GRHL2: variants seen among roughly 807,000 people sequenced by gnomAD.
GRHL2 encodes grainyhead like transcription factor 2, also known as grainyhead-like protein 2 homolog.
In GRHL2, 21 loss-of-function variants were observed where a neutral mutation model predicts 83.8. The ratio of observed to expected loss-of-function variants is 0.25; its 90% CI spans 0.18 to 0.36. The LOEUF (loss-of-function observed/expected upper bound fraction) is 0.36. Among genes scored for constraint, GRHL2 ranks in the 10% least tolerant of loss-of-function variants. GRHL2 has a pLI of 1.00. For synonymous variants in GRHL2, 280 were observed against 278.9 expected (o/e 1.00, Z -0.04); for missense variants, 623 against 781.8 (o/e 0.80, Z 2.42).
At chr8:101,573,020 C>G (rs1228176490) in intron 5 of GRHL2, among the ~76,000 whole-genome samples, 1 of 152,172 alleles carries the variant, frequency 6.6e-6, no homozygotes, top group Non-Finnish European at 1.5e-5. Context: ...CAAAAACAGG[C>G]AATGAGATGG....
At chr8:101,610,479 C>T (rs867412520) in intron 8 of GRHL2, among the ~76,000 whole-genome samples, 9 of 150,842 alleles carry the variant, frequency 6.0e-5, no homozygotes, top group Middle Eastern at 3.4e-3. Flanking sequence ...TTTGTTGATT[C>T]TGTCATGGGG....
chr8:101,517,070 G>T (rs1354285919), intron 1 of GRHL2, among the ~76,000 whole-genome samples: 1 of 152,016 alleles, frequency 6.6e-6, no homozygotes, highest in Non-Finnish European at 1.5e-5. Flanking sequence ...TGGAGTCCTG[G>T]GGCCTCTGCT....
At chr8:101,648,767 C>T (rs979842583) in intron 13 of GRHL2, among the ~76,000 whole-genome samples, 1 of 152,174 alleles carries the variant, frequency 6.6e-6, no homozygotes, top group Non-Finnish European at 1.5e-5. Flanking sequence ...CCTTTCTCCC[C>T]ACTGCCCCCA....
chr8:101,656,639 C>T (rs113697980), intron 14 of GRHL2, among the ~76,000 whole-genome samples: 4,161 of 152,190 alleles, frequency 0.027, 171 homozygotes, highest in African/African-American at 0.094. Context: ...GACAGCTGAG[C>T]TGGGCGAGTT....
chr8:101,645,003 A>G (rs1813481151), intron 13 of GRHL2, among the ~76,000 whole-genome samples: 1 of 151,738 alleles, frequency 6.6e-6, no homozygotes, highest in African/African-American at 2.4e-5. Context: ...ATGCACCACC[A>G]TGTCTGGCTA....
intron 4 of GRHL2, among the ~76,000 whole-genome samples, chr8:101,559,408 T>A (rs1811561037): frequency 6.8e-6 from 1 of 147,146 alleles, no homozygotes; most frequent in Non-Finnish European, 1.5e-5. Flanking sequence ...CAGGCACCTG[T>A]AATTCCAGAT....
chr8:101,673,755 T>C (rs563199504), downstream of GRHL2, among the ~76,000 whole-genome samples: 2 of 152,050 alleles, frequency 1.3e-5, no homozygotes, highest in East Asian at 3.9e-4. Flanking sequence ...AGAATATACA[T>C]TTTTTTCAGC....
intron 2 of GRHL2, among the ~76,000 whole-genome samples, chr8:101,548,815 G>T (rs1041449647): frequency 7.9e-5 from 12 of 152,314 alleles, no homozygotes; most frequent in African/African-American, 2.9e-4. Flanking sequence ...ACCTTAAACC[G>T]AGCACAGCTG....
intron 1 of GRHL2, among the ~76,000 whole-genome samples, chr8:101,541,668 C>G (rs187383932): frequency 8.5e-5 from 13 of 152,154 alleles, no homozygotes; most frequent in African/African-American, 3.1e-4. Flanking sequence ...ATGTTGGTTC[C>G]ATTTCAATGA....
intron 1 of GRHL2, among the ~76,000 whole-genome samples, chr8:101,529,795 G>C (rs1199830926): frequency 6.6e-6 from 1 of 152,066 alleles, no homozygotes; most frequent in Non-Finnish European, 1.5e-5. Flanking sequence ...CCCTGGCAGG[G>C]GGCCGCTCTC....
the GRHL2 span, among the ~76,000 whole-genome samples, chr8:101,678,436 C>A: frequency 0.3 from 45,054 of 151,886 alleles, 7,766 homozygotes; most frequent in East Asian, 0.42. Flanking sequence ...GGTCCTACGC[C>A]CACGGAGTCT....
chr8:101,669,109 C>T lies in GRHL2; in HGVS notation c.*2406C>T, dbSNP rs6989650. 36,773 of 151,982 alleles carry T rather than the reference C, an allele frequency of 0.24. 4,625 individuals are homozygous for T. The highest frequency in any genetic ancestry group is 0.29 in the South Asian group (1,390 of 4,808). The allele number at this position is 151,982 out of a possible 1,614,324, so 9.4% of individuals were successfully genotyped here. On this transcript the variant is annotated 3_prime_UTR_variant, in exon 16 of 16. Transcript: ENST00000646743. ...GTGTCCGCTGTGTATGTTAGCTGAACTTTGATGAGCAAAATTTCCTGAGCG... is the reference window on the plus strand; with the variant it reads ...GTGTCCGCTGTGTATGTTAGCTGAATTTTGATGAGCAAAATTTCCTGAGCG...
rs181292123 is a variant in GRHL2 at position 101,562,221 on chromosome 8, A to G, written c.678+3409A>G. Reference sequence around the variant, plus strand: ...TTCTTCAACTCTCTTCATTGAATCAATACTTTTATTCCATAGCTCTCACTG... The same window carrying G: ...TTCTTCAACTCTCTTCATTGAATCAGTACTTTTATTCCATAGCTCTCACTG... On this transcript the variant is annotated intron_variant, in intron 4 of 15. Coordinates refer to ENST00000646743, the MANE Select transcript of GRHL2 (RefSeq NM_024915.4). The G allele has an allele frequency of 8.1e-4, 496 of 609,500 alleles. 4 individuals carry two copies. Among genetic ancestry groups the G allele is most frequent in the African/African-American group, 8.1e-3 (444 of 54,974 alleles). 37.8% of individuals were successfully genotyped at this position (609,500 alleles called of 1,614,324 possible). A position where few individuals can be genotyped will look rare whatever the true frequency, so the allele number is the denominator to read the frequency against.
chr8:101,618,676 T>C (rs1036623954), intron 8 of GRHL2, among the ~76,000 whole-genome samples: 3 of 152,052 alleles, frequency 2.0e-5, no homozygotes, highest in Admixed American at 1.3e-4. Flanking sequence ...GATTCGCTCA[T>C]CTAATGTTTA....
chr8:101,635,037 T>C (rs533799476), intron 11 of GRHL2, among the ~76,000 whole-genome samples: 70 of 152,290 alleles, frequency 4.6e-4, no homozygotes, highest in African/African-American at 1.6e-3. Flanking sequence ...ATGTCTACTT[T>C]GCAGGCATTA....
At chr8:101,559,256 A>C (rs1811553618) in intron 4 of GRHL2, among the ~76,000 whole-genome samples, 1 of 150,916 alleles carries the variant, frequency 6.6e-6, no homozygotes, top group Non-Finnish European at 1.5e-5. Flanking sequence ...TCATGCCTGT[A>C]ATCCCAGCAC....
At position 101,632,385 on chromosome 8, in the gene GRHL2, G is replaced by T. The variant is rs770348363; in HGVS notation, c.1485+20G>T. 1.1e-5 allele frequency: 17 copies of T among 1,613,508 alleles called. No homozygotes were observed. On this transcript the variant is annotated intron_variant, in intron 11 of 15. Transcript: ENST00000646743. Reference sequence around the variant, plus strand: ...GGACAGGTATGACCTACCAGCTAACGCCCACCTCCCATCCATCCACAGGGC... The same window carrying T: ...GGACAGGTATGACCTACCAGCTAACTCCCACCTCCCATCCATCCACAGGGC...
Position 101,632,227 on chromosome 8 carries a change from C to T in GRHL2, c.1347C>T (p.Ser449=). ...GQASQTQCNS[S]SDGKLAAIPL... ...ATGAGTTTGTGTGATCCCATCCAGC[C>T]TCTGATGGGAAGTTGGCTGCCATAC... Residue 449 remains serine, a splice_region_variant and synonymous_variant, in exon 11 of 16, where the codon TCC becomes TCT. Coordinates refer to ENST00000646743, the MANE Select transcript of GRHL2 (RefSeq NM_024915.4). 1 of 1,613,810 alleles carries T rather than the reference C, an allele frequency of 6.2e-7. No individual in the cohort carries two copies. Among genetic ancestry groups the T allele is most frequent in the Non-Finnish European group, 8.5e-7 (1 of 1,179,746 alleles).
intron 1 of GRHL2, among the ~76,000 whole-genome samples, chr8:101,503,463 TG>T (rs1056385901): frequency 3.9e-5 from 6 of 152,328 alleles, no homozygotes; most frequent in Admixed American, 2.6e-4. Context: ...TCTGTCAAAG[TG>T]GCTAAAATTA....
Sources: gnomAD v4.1 joint callset for allele counts (sites outside exome capture counted in the v4.1 genomes callset) on GRCh38, gnomAD v4.1.1 for gene constraint, MANE v1.5 for transcripts, NCBI Gene and HGNC (gene_info 2026-07-23, HGNC 2026-07-21) for gene names.